The following TMEM72 variants were observed in gnomAD, a reference collection of about 807,000 sequenced individuals.
TMEM72 encodes the protein transmembrane protein 72.
In TMEM72, 9 loss-of-function variants were observed where a neutral mutation model predicts 16.3. The ratio of observed to expected loss-of-function variants is 0.55; its 90% CI spans 0.33 to 0.96. The LOEUF is 0.96. TMEM72 is among the 40% of genes least tolerant of loss of function. TMEM72 has a pLI of 0.03. For missense variants in TMEM72, 324 were observed against 337.8 expected (o/e 0.96, Z 0.32); for synonymous variants, 160 against 146.5 (o/e 1.09, Z -0.66).
chr10:44,912,006 C>T (rs1411726108), intron 1 of TMEM72, among the ~76,000 whole-genome samples: 2 of 152,238 alleles, frequency 1.3e-5, no homozygotes, highest in South Asian at 2.1e-4. Flanking sequence ...CATAGCCCTA[C>T]CTCATGGAGA....
chr10:44,926,592 G>A (rs1249159991), intron 1 of TMEM72, among the ~76,000 whole-genome samples: 3 of 152,208 alleles, frequency 2.0e-5, no homozygotes, highest in African/African-American at 7.2e-5. Flanking sequence ...CTGGAACCTG[G>A]AGAGAGTGGG....
intron 2 of TMEM72, 128 bp from the exon 3 acceptor site, chr10:44,931,870 T>A: frequency 1.1e-6 from 1 of 913,746 alleles, no homozygotes; most frequent in Non-Finnish European, 1.7e-6. Context: ...GTGAATGTTG[T>A]CTGGGGGAAT....
At chr10:44,931,423 T>C (rs1840294573) in intron 2 of TMEM72, among the ~76,000 whole-genome samples, 1 of 152,036 alleles carries the variant, frequency 6.6e-6, no homozygotes, top group African/African-American at 2.4e-5. Flanking sequence ...CAGATTCAGG[T>C]GTCAGGCAGC....
intron 1 of TMEM72, among the ~76,000 whole-genome samples, chr10:44,914,481 C>T (rs1839985187): frequency 6.6e-6 from 1 of 152,234 alleles, no homozygotes; most frequent in African/African-American, 2.4e-5. Context: ...TGTCTAAGTG[C>T]CTCAGTTGCT....
chr10:44,913,053 C>T (rs1395638495), intron 1 of TMEM72, among the ~76,000 whole-genome samples: 2 of 152,200 alleles, frequency 1.3e-5, no homozygotes, highest in African/African-American at 4.8e-5. Context: ...TTCAGAATTG[C>T]TCTGCTGAGG....
At chr10:44,931,427 A>G (rs1589048258) in intron 2 of TMEM72, among the ~76,000 whole-genome samples, 1 of 152,214 alleles carries the variant, frequency 6.6e-6, no homozygotes. Flanking sequence ...TTCAGGTGTC[A>G]GGCAGCCCAG....
intron 1 of TMEM72, among the ~76,000 whole-genome samples, chr10:44,913,450 ACG>A (rs919947680): frequency 2.7e-5 from 4 of 146,334 alleles, no homozygotes; most frequent in African/African-American, 1.0e-4. Context: ...TCCCATGTGC[ACG>A]CACACACACA....
chr10:44,934,622 T>G (rs1840363159), intron 4 of TMEM72, 34 bp from the exon 5 acceptor site: 3 of 1,512,014 alleles, frequency 2.0e-6, no homozygotes, highest in Non-Finnish European at 8.9e-7. Flanking sequence ...TTTCCGTGAC[T>G]CCTCTAGAGC....
At chr10:44,933,487 A>G in intron 3 of TMEM72, 150 bp from the exon 4 acceptor site, 1 of 1,055,562 alleles carries the variant, frequency 9.5e-7, no homozygotes. Flanking sequence ...TCATTGTGGA[A>G]CCCACACCAA....
At chr10:44,926,951 G>A (rs909802831) in intron 1 of TMEM72, among the ~76,000 whole-genome samples, 1 of 152,168 alleles carries the variant, frequency 6.6e-6, no homozygotes, top group East Asian at 1.9e-4. Flanking sequence ...TGCCAGGGAA[G>A]AGGAAGCACC....
chr10:44,921,852 A>G lies in TMEM72; in HGVS notation c.71-6069A>G, dbSNP rs1341607726. 2.0e-5 allele frequency among the ~76,000 whole-genome samples: 3 copies of G among 152,230 alleles called. 1 individual carries two copies. The South Asian group carries it at 6.2e-4, about 31-fold the overall frequency. On this transcript the variant is annotated intron_variant, in intron 1 of 4. Transcript: ENST00000389583. ...CTCTCAGGGCCCACGAAGGGCCTAC[A>G]CTGCGCCTGAGGGAGGGAGTACCAC...
At chr10:44,924,989 G>A (rs1459245292) in intron 1 of TMEM72, among the ~76,000 whole-genome samples, 1 of 152,194 alleles carries the variant, frequency 6.6e-6, no homozygotes, top group Non-Finnish European at 1.5e-5. Context: ...TTGATCACCT[G>A]ACATCTATCA....
Position 44,934,795 on chromosome 10 carries a change from G to A in TMEM72, c.489G>A (p.Gly163=), listed in dbSNP as rs774794459. 5.6e-6 allele frequency: 9 copies of A among 1,613,598 alleles called. No individual in the cohort carries two copies. The East Asian group carries it at 1.8e-4, about 32-fold the overall frequency. The change falls in exon 5 of 5, where the codon GGG becomes GGA. Residue 163 remains glycine, a synonymous_variant. Transcript: ENST00000389583. ...SSSAVSTTGS[G]DTEQTYTFHG... Reference sequence around the variant, plus strand: ...GCGCTGTGAGCACCACCGGCTCTGGGGACACAGAGCAAACCTACACTTTCC... The same window carrying A: ...GCGCTGTGAGCACCACCGGCTCTGGAGACACAGAGCAAACCTACACTTTCC...
In TMEM72 at chr10:44,911,340, C is replaced by A. The variant is rs1839934195; in HGVS notation, c.-173C>A. On this transcript the variant is annotated 5_prime_UTR_variant, in exon 1 of 5. Coordinates refer to ENST00000389583, the MANE Select transcript of TMEM72 (RefSeq NM_001123376.3). ...ACGGGCTGAGAGCACAGAAGGTGAG[C>A]CCTATTCACACCTCGGCCAGGCTGC... is the stretch of plus-strand genomic sequence containing the variant. The A allele has an allele frequency of 1.6e-6, 1 of 614,870 alleles. No homozygotes were observed. Among genetic ancestry groups the A allele is most frequent in the Non-Finnish European group, 2.9e-6 (1 of 347,584 alleles). 38.1% of individuals were successfully genotyped at this position (614,870 alleles called of 1,614,324 possible).
chr10:44,923,729 G>C (rs781160162), intron 1 of TMEM72, among the ~76,000 whole-genome samples: 25 of 152,130 alleles, frequency 1.6e-4, no homozygotes, highest in Non-Finnish European at 3.1e-4. Context: ...CCACACCTCT[G>C]CCCCCCTACT....
chr10:44,925,354 T>C (rs1840169186), intron 1 of TMEM72, among the ~76,000 whole-genome samples: 1 of 152,240 alleles, frequency 6.6e-6, no homozygotes, highest in African/African-American at 2.4e-5. Context: ...CCCAAGACCC[T>C]TTCCTGCCAT....
chr10:44,928,703 CATCT>C (rs1365467061), intron 2 of TMEM72, among the ~76,000 whole-genome samples: 2 of 151,978 alleles, frequency 1.3e-5, no homozygotes, highest in African/African-American at 4.8e-5. Flanking sequence ...TTCACCCATC[CATCT>C]ATTCATCCAT....
intron 1 of TMEM72, among the ~76,000 whole-genome samples, chr10:44,923,627 A>G (rs933805841): frequency 6.6e-6 from 1 of 152,210 alleles, no homozygotes; most frequent in Non-Finnish European, 1.5e-5. Flanking sequence ...GAGAGGGCCT[A>G]CTGTCTACAT....
Position 44,935,434 on chromosome 10 carries a change from G to A in TMEM72, c.*300G>A. 1 of 342,128 alleles carries A rather than the reference G, an allele frequency of 2.9e-6. No individual in the cohort carries two copies. Among genetic ancestry groups the A allele is most frequent in the Non-Finnish European group, 5.3e-6 (1 of 188,782 alleles). 21.2% of individuals were successfully genotyped at this position (342,128 alleles called of 1,614,324 possible). A position where few individuals can be genotyped will look rare whatever the true frequency, so the allele number is the denominator to read the frequency against. ...CATCACTGCCACTGCGCACGAGGCTGCAGGTGCCATTGACTCAGCCCAGAA... is the reference window on the plus strand; with the variant it reads ...CATCACTGCCACTGCGCACGAGGCTACAGGTGCCATTGACTCAGCCCAGAA... On this transcript the variant is annotated 3_prime_UTR_variant, in exon 5 of 5. Coordinates refer to ENST00000389583, the MANE Select transcript of TMEM72 (RefSeq NM_001123376.3).
Sources: gnomAD v4.1 joint callset for allele counts (sites outside exome capture counted in the v4.1 genomes callset) on GRCh38, gnomAD v4.1.1 for gene constraint, MANE v1.5 for transcripts, NCBI Gene and HGNC (gene_info 2026-07-23, HGNC 2026-07-21) for gene names.